Variants in DMD observed in about 807,000 individuals in gnomAD.
The protein encoded by DMD is mutant dystrophin.
A neutral mutation model predicts 330.1 loss-of-function variants in DMD; 63 were observed. The ratio of observed to expected loss-of-function variants is 0.19; its 90% CI spans 0.16 to 0.24. The LOEUF (loss-of-function observed/expected upper bound fraction) is 0.24. DMD is among the 10% of genes least tolerant of loss of function. DMD has a pLI of 1.00. For synonymous variants in DMD, 1,223 were observed against 959.8 expected (o/e 1.27, Z -5.07); for missense variants, 3,344 against 2,684.1 (o/e 1.25, Z -5.43).
intron 41 of DMD, among the ~76,000 whole-genome samples, chrX:32,333,469 T>A (rs907448200): frequency 2.7e-5 from 3 of 111,731 alleles, no homozygotes; most frequent in African/African-American, 9.7e-5. Context: ...CCATTTTAAG[T>A]GTCACTACTT....
Position 32,310,346 on chromosome X carries a change from T to C in DMD, c.5923-70A>G. ...AGTGAAACCTCCTCCATTAAGTTTA[T>C]ATAGGTCTCATTCTACAGCTGACAA... On this transcript the variant is annotated intron_variant, in intron 41 of 78. Coordinates refer to ENST00000357033, the MANE Select transcript of DMD (RefSeq NM_004006.3). The C allele has an allele frequency of 8.0e-6, 7 of 874,416 alleles. No individual in the cohort carries two copies. In the South Asian group the frequency reaches 1.3e-4, roughly 16 times the overall value. The allele number at this position is 874,416 out of a possible 1,213,427, so 72.1% of individuals were successfully genotyped here.
chrX:32,609,422 T>G (rs979178921), intron 12 of DMD, among the ~76,000 whole-genome samples: 1 of 110,867 alleles, frequency 9.0e-6, no homozygotes, highest in African/African-American at 3.3e-5. Flanking sequence ...ATGATCACCC[T>G]CCATGATCAG....
chrX:32,191,985 A>C (rs948542384), intron 44 of DMD, among the ~76,000 whole-genome samples: 1 of 112,126 alleles, frequency 8.9e-6, no homozygotes, highest in Non-Finnish European at 1.9e-5. Context: ...AACTGAGGTT[A>C]CAAATACGAC....
intron 41 of DMD, among the ~76,000 whole-genome samples, chrX:32,341,541 A>G (rs1039120159): frequency 2.7e-5 from 3 of 111,949 alleles, no homozygotes; most frequent in Non-Finnish European, 5.6e-5. Context: ...TCTGCAATCA[A>G]TTAGCAACCA....
intron 44 of DMD, among the ~76,000 whole-genome samples, chrX:32,171,430 A>AT (rs1445824060): frequency 9.0e-6 from 1 of 111,637 alleles, no homozygotes; most frequent in African/African-American, 3.3e-5. Context: ...CACATCCCTT[A>AT]TTTTGTATTT....
intron 11 of DMD, among the ~76,000 whole-genome samples, chrX:32,628,145 T>C (rs1046516073): frequency 2.8e-5 from 3 of 108,339 alleles, no homozygotes; most frequent in African/African-American, 1.0e-4. Context: ...ATTCATTCAA[T>C]CTAACTATAT....
intron 62 of DMD, among the ~76,000 whole-genome samples, chrX:31,302,712 G>A (rs1252168053): frequency 1.8e-5 from 2 of 110,516 alleles, no homozygotes; most frequent in African/African-American, 6.6e-5. Context: ...GTATTAAGTA[G>A]GGCTCTAGGA....
intron 43 of DMD, among the ~76,000 whole-genome samples, chrX:32,281,735 A>G (rs901700944): frequency 2.7e-5 from 3 of 112,221 alleles, no homozygotes; most frequent in Admixed American, 9.5e-5. Flanking sequence ...TTATTTTTCA[A>G]CATTTCCTTT....
intron 43 of DMD, among the ~76,000 whole-genome samples, chrX:32,285,606 CAG>C (rs1481539334): frequency 1.8e-5 from 2 of 111,379 alleles, no homozygotes; most frequent in African/African-American, 6.5e-5. Flanking sequence ...AGCATATACA[CAG>C]AGTGGCTGAG....
chrX:32,590,498 G>A (rs2054781704), intron 13 of DMD, among the ~76,000 whole-genome samples: 2 of 111,240 alleles, frequency 1.8e-5, no homozygotes, highest in Admixed American at 1.9e-4. Context: ...GGAGAGGAAG[G>A]CCCACCCTCA....
At chrX:31,607,419 C>G (rs774117961) in intron 55 of DMD, among the ~76,000 whole-genome samples, 2 of 112,153 alleles carry the variant, frequency 1.8e-5, no homozygotes, top group Non-Finnish European at 3.8e-5. Context: ...GAGAGCCAAT[C>G]TCCCAGAATT....
chrX:32,784,426 T>C (rs745519918), intron 7 of DMD, among the ~76,000 whole-genome samples: 2 of 112,050 alleles, frequency 1.8e-5, no homozygotes, highest in Admixed American at 1.9e-4. Context: ...ACAATGACTT[T>C]TGCTTATGTT....
chrX:32,253,891 C>T (rs961878101), intron 43 of DMD, among the ~76,000 whole-genome samples: 7 of 110,987 alleles, frequency 6.3e-5, no homozygotes, highest in African/African-American at 1.6e-4. Context: ...CAAAGTGCTG[C>T]GATTACAGGC....
chrX:32,965,511 A>T (rs1419407901), intron 2 of DMD, among the ~76,000 whole-genome samples: 2 of 95,340 alleles, frequency 2.1e-5, no homozygotes, highest in African/African-American at 7.7e-5. Flanking sequence ...AAAAAAAAAG[A>T]AGTGGGGTGG....
chrX:31,930,442 C>A (rs896419104), intron 46 of DMD, among the ~76,000 whole-genome samples: 1 of 110,962 alleles, frequency 9.0e-6, no homozygotes, highest in African/African-American at 3.3e-5. Context: ...TCATTCACCA[C>A]CACATAGTGT....
At chrX:31,258,991 T>C (rs1395401961) in intron 63 of DMD, among the ~76,000 whole-genome samples, 1 of 110,661 alleles carries the variant, frequency 9.0e-6, no homozygotes, top group East Asian at 2.8e-4. Flanking sequence ...ATTCAACTTC[T>C]ATAAAAATAT....
intron 44 of DMD, among the ~76,000 whole-genome samples, chrX:31,988,430 T>TGC (rs2095525409): frequency 1.2e-5 from 1 of 82,245 alleles, no homozygotes; most frequent in African/African-American, 5.2e-5. Flanking sequence ...GCCGAGATCA[T>TGC]GCCACTGCAC....
chrX:32,299,503 C>T (rs192867640), intron 42 of DMD, among the ~76,000 whole-genome samples: 23 of 85,425 alleles, frequency 2.7e-4, no homozygotes, highest in African/African-American at 9.4e-4. Context: ...TCAGACACAT[C>T]CTTCTGATAC....
chrX:32,754,246 C>A (rs1298451558), intron 7 of DMD, among the ~76,000 whole-genome samples: 1 of 110,876 alleles, frequency 9.0e-6, no homozygotes, highest in Non-Finnish European at 1.9e-5. Flanking sequence ...CAGATGGATA[C>A]AATTATCGCC....
Sources: allele counts gnomAD v4.1 joint callset (sites outside exome capture counted in the v4.1 genomes callset), GRCh38; gene constraint gnomAD v4.1.1; transcripts MANE v1.5; gene names NCBI Gene and HGNC (gene_info 2026-07-23, HGNC 2026-07-21).